CR2: variants seen among roughly 807,000 people sequenced by gnomAD.
The protein encoded by CR2 is complement receptor type 2.
In CR2, 96 loss-of-function variants were observed where a neutral mutation model predicts 123.0. The observed-to-expected ratio is 0.78, with a 90% CI of 0.66 to 0.93. CR2 has a LOEUF of 0.93. Ranked by LOEUF, CR2 falls within the 40% of genes least tolerant of loss-of-function variation. The probability of loss-of-function intolerance (pLI) is 0.00; values close to 1 mark genes in which losing one functional copy is unlikely to be tolerated. For synonymous variants in CR2, 484 were observed against 469.5 expected (o/e 1.03, Z -0.40); for missense variants, 1,258 against 1,361.0 (o/e 0.92, Z 1.19).
At chr1:207,461,733 G>A (rs1023095558) in intron 1 of CR2, among the ~76,000 whole-genome samples, 9 of 152,176 alleles carry the variant, frequency 5.9e-5, no homozygotes, top group African/African-American at 2.2e-4. Flanking sequence ...ATATCAAGAG[G>A]CATTCTTTGT....
At chr1:207,479,691 C>T (rs1371920131) in intron 17 of CR2, among the ~76,000 whole-genome samples, 1 of 152,034 alleles carries the variant, frequency 6.6e-6, no homozygotes, top group Non-Finnish European at 1.5e-5. Flanking sequence ...ACCTCAGTGA[C>T]AAGATTGTTA....
Position 207,472,891 on chromosome 1 carries a change from G to A in CR2, c.1690G>A (p.Val564Met), listed in dbSNP as rs1451709551. The change falls in exon 10 of 20, where the codon GTG (valine) becomes ATG (methionine). Residue 564 changes from valine to methionine, a missense_variant. By Grantham distance (21) the Val-to-Met change is conservative (BLOSUM62 1). Transcript: ENST00000367057. ...YTCNPGPERG[V>M]EFSLIGESTI... ...ATGTAACCCTGGGCCAGAAAGAGGA[G>A]TGGAATTCAGCCTCATTGGAGAGAG... 3.1e-6 allele frequency: 5 copies of A among 1,614,068 alleles called. No homozygotes were observed. Among genetic ancestry groups the A allele is most frequent in the Non-Finnish European group, 4.2e-6 (5 of 1,179,974 alleles).
rs750266163 is a variant in CR2, at chr1:207,476,433, T to C, written c.2902+14T>C. Reference sequence around the variant, plus strand: ...CTCATTGTAAAGGTGCTTTGTCTATTTTTTATTCTTATTTTTATATCAAAT... The same window carrying C: ...CTCATTGTAAAGGTGCTTTGTCTATCTTTTATTCTTATTTTTATATCAAAT... On this transcript the variant is annotated intron_variant, in intron 15 of 19. Coordinates refer to ENST00000367057, the MANE Select transcript of CR2 (RefSeq NM_001006658.3). 1 of 1,609,246 alleles carries C rather than the reference T, an allele frequency of 6.2e-7. No individual in the cohort carries two copies. The highest frequency in any genetic ancestry group is 8.5e-7 in the Non-Finnish European group (1 of 1,177,904).
intron 6 of CR2, 124 bp from the exon 7 acceptor site, chr1:207,470,616 T>A (rs149121703): frequency 1.1e-5 from 10 of 894,230 alleles, no homozygotes; most frequent in Non-Finnish European, 1.8e-5. Context: ...CTGCAACATA[T>A]GTTCTGTATC....
At chr1:207,463,698 G>T (rs1658020339) in intron 1 of CR2, among the ~76,000 whole-genome samples, 1 of 152,088 alleles carries the variant, frequency 6.6e-6, no homozygotes, top group Non-Finnish European at 1.5e-5. Flanking sequence ...TTTTGTTACA[G>T]GGTAAACGTG....
intron 19 of CR2, among the ~76,000 whole-genome samples, 178 bp from the exon 20 acceptor site, chr1:207,488,964 C>T (rs1658820140): frequency 6.6e-6 from 1 of 152,044 alleles, no homozygotes; most frequent in Non-Finnish European, 1.5e-5. Flanking sequence ...GTTATTTGTT[C>T]CAGAGCATGT....
intron 1 of CR2, among the ~76,000 whole-genome samples, chr1:207,464,453 G>A (rs1658043077): frequency 6.6e-6 from 1 of 152,160 alleles, no homozygotes; most frequent in African/African-American, 2.4e-5. Context: ...AGAGGGGTTT[G>A]CTATGAAATC....
At position 207,473,561 on chromosome 1, in the gene CR2, TG is replaced by T; in HGVS notation, c.1998del (p.Leu667SerfsTer18). On this transcript the variant is annotated frameshift_variant, in exon 11 of 20. Coordinates refer to ENST00000367057, the MANE Select transcript of CR2 (RefSeq NM_001006658.3). LOFTEE classifies it high-confidence loss of function. ...VCEKGCQSPP[G>X]LHHGRHTGGN... ...TCTCTTCAGGCTGCCAGTCACCTCC[TG>T]GGCTCCACCATGGTCGTCATACAGG... The T allele has an allele frequency of 6.2e-7, 1 of 1,613,882 alleles. No homozygotes were observed. The highest frequency in any genetic ancestry group is 8.5e-7 in the Non-Finnish European group (1 of 1,179,794).
chr1:207,477,689 C>T (rs1015851641), intron 15 of CR2, among the ~76,000 whole-genome samples, 196 bp from the exon 16 acceptor site: 2 of 152,112 alleles, frequency 1.3e-5, no homozygotes, highest in African/African-American at 4.8e-5. Flanking sequence ...GCTTAAATTA[C>T]CCAGAGGTTA....
chr1:207,474,253 T>C lies in CR2; in HGVS notation c.2253T>C (p.Thr751=). The part of the protein sequence containing the change: ...NTSCQDGYQL[T]GHAYQMCQDA... ...TGTCTCTCTGTAGGTACCAGTTGAC[T>C]GGACATGCTTATCAGATGTGTCAAG... Residue 751 remains threonine, a synonymous_variant, in exon 13 of 20, where the codon ACT becomes ACC. Coordinates refer to ENST00000367057, the MANE Select transcript of CR2 (RefSeq NM_001006658.3). 6 of 1,612,822 alleles carry C rather than the reference T, an allele frequency of 3.7e-6. No individual in the cohort carries two copies. In the East Asian group the frequency reaches 1.1e-4, roughly 30 times the overall value.
chr1:207,458,277 A>ATTT (rs35162505), intron 1 of CR2, among the ~76,000 whole-genome samples: 15 of 146,250 alleles, frequency 1.0e-4, no homozygotes, highest in East Asian at 9.9e-4. Context: ...GCCAAGCTTC[A>ATTT]TTTTTTTTTT....
At chr1:207,481,768 T>C (rs1658608950) in intron 18 of CR2, among the ~76,000 whole-genome samples, 1 of 152,102 alleles carries the variant, frequency 6.6e-6, no homozygotes, top group Non-Finnish European at 1.5e-5. Context: ...ATCTTATTTT[T>C]ATTGCTTTAT....
intron 1 of CR2, among the ~76,000 whole-genome samples, chr1:207,459,949 A>C (rs1159301101): frequency 3.9e-5 from 6 of 152,178 alleles, no homozygotes; most frequent in Non-Finnish European, 1.5e-5. Flanking sequence ...TGTGATCCGT[A>C]TCTCCTTTCA....
At chr1:207,481,264 C>G (rs2102312254) in intron 18 of CR2, among the ~76,000 whole-genome samples, 1 of 151,750 alleles carries the variant, frequency 6.6e-6, no homozygotes, top group Admixed American at 6.6e-5. Context: ...TTTTCAAAAC[C>G]TATTTTGAGT....
At chr1:207,463,548 A>G (rs184154586) in intron 1 of CR2, among the ~76,000 whole-genome samples, 49 of 152,274 alleles carry the variant, frequency 3.2e-4, no homozygotes, top group Non-Finnish European at 1.2e-4. Context: ...CCTGCTTGTC[A>G]TAAATGATAT....
At chr1:207,481,830 G>A (rs1382275875) in intron 18 of CR2, among the ~76,000 whole-genome samples, 2 of 151,780 alleles carry the variant, frequency 1.3e-5, no homozygotes, top group African/African-American at 4.8e-5. Context: ...ATGATATCTA[G>A]GAAAGTCTAT....
Position 207,475,050 on chromosome 1 carries a change from A to G in CR2, c.2550A>G (p.Pro850=), listed in dbSNP as rs1223981986. 9 of 1,613,846 alleles carry G rather than the reference A, an allele frequency of 5.6e-6. No individual in the cohort carries two copies. Among genetic ancestry groups the G allele is most frequent in the East Asian group, 2.2e-5 (1 of 44,880 alleles). ...CTCCTGTGACTCGCTGCCCTAATCC[A>G]GAAGTCAAACATGGGTACAAGCTCA... ...RSPPVTRCPN[P]EVKHGYKLNK... The change falls in exon 14 of 20, where the codon CCA becomes CCG. Residue 850 remains proline, a synonymous_variant. Coordinates refer to ENST00000367057, the MANE Select transcript of CR2 (RefSeq NM_001006658.3).
intron 18 of CR2, among the ~76,000 whole-genome samples, chr1:207,484,382 A>G (rs527477395): frequency 3.3e-5 from 5 of 152,342 alleles, no homozygotes; most frequent in South Asian, 4.1e-4. Flanking sequence ...ATTGATAAAG[A>G]CACTTGAATG....
rs1414810695 is a variant in CR2 at position 207,478,036 on chromosome 1, C to G, written c.3054C>G (p.His1018Gln). Residue 1018 changes from histidine to glutamine, a missense_variant, in exon 16 of 20, where the codon CAC (histidine) becomes CAG (glutamine). Coordinates refer to ENST00000367057, the MANE Select transcript of CR2 (RefSeq NM_001006658.3). The stretch of plus-strand genomic sequence containing the variant: ...CCCAGAGCCAGTGCCAATCGGATCA[C>G]CAATGGAACCCTCCCCTGGCGGTTT... ...GSPQSQCQSD[H>Q]QWNPPLAVCR... 6.2e-7 allele frequency: 1 copy of G among 1,613,844 alleles called. No individual in the cohort carries two copies. The highest frequency in any genetic ancestry group is 8.5e-7 in the Non-Finnish European group (1 of 1,179,972).
Sources: allele counts gnomAD v4.1 joint callset (sites outside exome capture counted in the v4.1 genomes callset), GRCh38; gene constraint gnomAD v4.1.1; transcripts MANE v1.5; gene names NCBI Gene and HGNC (gene_info 2026-07-23, HGNC 2026-07-21).